KRT1: variants seen among roughly 807,000 people sequenced by gnomAD.
KRT1 encodes keratin, type II cytoskeletal 1.
In KRT1, 28 loss-of-function variants were observed where a neutral mutation model predicts 51.6. That is an observed-to-expected ratio of 0.54 (90% CI 0.40 to 0.74). KRT1 has a LOEUF of 0.74. Among genes scored for constraint, KRT1 ranks in the 30% least tolerant of loss-of-function variants. The pLI is 0.00. For missense variants in KRT1, 783 were observed against 815.5 expected, an observed-to-expected ratio of 0.96 and a Z score of 0.49; for synonymous variants, 301 against 307.7, an observed-to-expected ratio of 0.98 and a Z score of 0.23.
At chr12:52,676,786 C>T (rs1010684546) in intron 6 of KRT1, among the ~76,000 whole-genome samples, 2 of 152,226 alleles carry the variant, frequency 1.3e-5, no homozygotes, top group Admixed American at 6.5e-5. Context: ...CTTCCTCTCA[C>T]TCCCCAACTC....
Position 52,675,080 on chromosome 12 carries a change from A to C in KRT1, c.*113T>G. ...GGGAATAGGATGAGCTAGTGTAACT[A>C]ACCATAGCTCTTTTCTCCGGTAAGG... On this transcript the variant is annotated 3_prime_UTR_variant, in exon 9 of 9. Coordinates refer to ENST00000252244, the MANE Select transcript of KRT1 (RefSeq NM_006121.4). 2 of 1,329,376 alleles carry C rather than the reference A, an allele frequency of 1.5e-6. No homozygotes were observed. The highest frequency in any genetic ancestry group is 2.2e-6 in the Non-Finnish European group (2 of 922,268). 82.3% of individuals were successfully genotyped at this position (1,329,376 alleles called of 1,614,324 possible).
In KRT1 at chr12:52,677,169, T is replaced by G. The variant is rs759524757; in HGVS notation, c.1144A>C (p.Ile382Leu). ...LYQSKYEELQ[I>L]TAGRHGDSVR... is the part of the protein sequence containing the mutation. ...CTATCCCCATGTCTGCCAGCAGTGA[T>G]CTGCAGCTCTTCATACTAAAGATGG... is the stretch of plus-strand genomic sequence containing the variant. Residue 382 changes from isoleucine to leucine, a missense_variant, in exon 6 of 9, where the codon ATC becomes CTC. Ile to Leu is a conservative substitution (Grantham distance 5). Transcript: ENST00000252244. 1.2e-6 allele frequency: 2 copies of G among 1,614,242 alleles called. No individual in the cohort carries two copies. Among genetic ancestry groups the G allele is most frequent in the Non-Finnish European group, 1.7e-6 (2 of 1,180,048 alleles).
At chr12:52,679,522 A>G (rs1941555506) in intron 1 of KRT1, among the ~76,000 whole-genome samples, 2 of 152,184 alleles carry the variant, frequency 1.3e-5, no homozygotes, top group African/African-American at 4.8e-5. Context: ...AAGCACTTAA[A>G]TGTTAATGTC....
chr12:52,678,254 C>A, intron 2 of KRT1, 31 bp from the exon 3 acceptor site: 2 of 1,610,806 alleles, frequency 1.2e-6, no homozygotes, highest in South Asian at 1.1e-5. Context: ...TTAGGAGATT[C>A]AGAGGTGGTA....
At chr12:52,677,016 C>A (rs1306645363) in intron 6 of KRT1, 43 bp downstream of exon 6, 2 of 1,608,144 alleles carry the variant, frequency 1.2e-6, no homozygotes, top group Non-Finnish European at 8.5e-7. Flanking sequence ...TGAGGGTTAC[C>A]CCCATTCCAT....
chr12:52,677,826 CA>C (rs954343082), intron 3 of KRT1, 81 bp from the exon 4 acceptor site: 13 of 1,240,178 alleles, frequency 1.0e-5, no homozygotes, highest in African/African-American at 9.0e-5. Context: ...ATTCTCCAAG[CA>C]AAAAAAGGAG....
At position 52,676,386 on chromosome 12, in the gene KRT1, T is replaced by C. The variant is rs1941504042; in HGVS notation, c.1364A>G (p.Lys455Arg). ...NDLEDALQQA[K>R]EDLARLLRDY... ...GCGCAGCAGGCGGGCCAGGTCTTCC[T>C]TGGCCTGCTGCAGGGCATCCTCCAG... The change falls in exon 7 of 9, where the codon AAG becomes AGG. Residue 455 changes from lysine (K) to arginine (R), a missense_variant. Coordinates refer to ENST00000252244, the MANE Select transcript of KRT1 (RefSeq NM_006121.4). 4 of 1,614,046 alleles carry C rather than the reference T, an allele frequency of 2.5e-6. No homozygotes were observed. The highest frequency in any genetic ancestry group is 3.4e-6 in the Non-Finnish European group (4 of 1,180,002).
chr12:52,677,817 T>A, intron 3 of KRT1, 72 bp from the exon 4 acceptor site: 1 of 1,325,046 alleles, frequency 7.5e-7, no homozygotes, highest in Non-Finnish European at 1.1e-6. Flanking sequence ...TGTGAGGGGA[T>A]TCTCCAAGCA....
chr12:52,677,858 T>G, intron 3 of KRT1, 113 bp from the exon 4 acceptor site: 1 of 909,194 alleles, frequency 1.1e-6, no homozygotes, highest in Non-Finnish European at 1.8e-6. Flanking sequence ...ACTCCACTCC[T>G]TTTTGCCCCA....
Position 52,675,191 on chromosome 12 carries a change from CTT to C in KRT1, c.1935_*1del. 6.2e-7 allele frequency: 1 copy of C among 1,613,494 alleles called. No individual in the cohort carries two copies. The highest frequency in any genetic ancestry group is 8.5e-7 in the Non-Finnish European group (1 of 1,180,018). On this transcript the variant is annotated stop_retained_variant and 3_prime_UTR_variant, in exon 9 of 9. Transcript: ENST00000252244. ...AGAGCTAATGAAACAGAGGGCATCT[CTT>C]TATCTGGTTACTCCGGAATAAGTGG...
chr12:52,677,857 C>T lies in KRT1; in HGVS notation c.868-112G>A, dbSNP rs556541104. On this transcript the variant is annotated intron_variant, in intron 3 of 8. Transcript: ENST00000252244. ...AAGGAGCTTTGGGTCTACTCCACTC[C>T]TTTTTGCCCCAGGTAAATCACAGTT... 2.0e-5 allele frequency: 18 copies of T among 912,682 alleles called. 1 individual carries two copies. In the East Asian group the frequency reaches 4.2e-4, roughly 21 times the overall value. The allele number at this position is 912,682 out of a possible 1,614,324, so 56.5% of individuals were successfully genotyped here.
chr12:52,677,127 T>C lies in KRT1; in HGVS notation c.1186A>G (p.Ile396Val). ...RHGDSVRNSK[I>V]EISELNRVIQ... Reference sequence around the variant, plus strand: ...ACACGATTCAGCTCAGAAATTTCTATCTTTGAATTTCTCACACTATCCCCA... The same window carrying C: ...ACACGATTCAGCTCAGAAATTTCTACCTTTGAATTTCTCACACTATCCCCA... The change falls in exon 6 of 9, where the codon ATA becomes GTA. Residue 396 changes from isoleucine (I) to valine (V), a missense_variant. By Grantham distance (29) the Ile-to-Val change is conservative. Coordinates refer to ENST00000252244, the MANE Select transcript of KRT1 (RefSeq NM_006121.4). 6.2e-7 allele frequency: 1 copy of C among 1,614,128 alleles called. No homozygotes were observed. The highest frequency in any genetic ancestry group is 1.1e-5 in the South Asian group (1 of 91,078).
At chr12:52,677,240 C>T (rs1023560499) in intron 5 of KRT1, 56 bp from the exon 6 acceptor site, 1 of 1,614,062 alleles carries the variant, frequency 6.2e-7, no homozygotes, top group African/African-American at 1.3e-5. Context: ...ATGGCACAGG[C>T]ACACATACAT....
chr12:52,679,555 A>C (rs1941556175), intron 1 of KRT1, among the ~76,000 whole-genome samples: 1 of 152,256 alleles, frequency 6.6e-6, no homozygotes, highest in African/African-American at 2.4e-5. Flanking sequence ...CTTTAGGTCG[A>C]CCACGAACCC....
chr12:52,677,829 A>T (rs1941534345), intron 3 of KRT1, 84 bp from the exon 4 acceptor site: 19 of 1,224,818 alleles, frequency 1.6e-5, no homozygotes, highest in Non-Finnish European at 2.3e-5. Context: ...CTCCAAGCAA[A>T]AAAAGGAGCT....
chr12:52,676,169 A>T (rs3891206), intron 7 of KRT1, 106 bp downstream of exon 7: 1 of 962,036 alleles, frequency 1.0e-6, no homozygotes, highest in Non-Finnish European at 1.6e-6. Context: ...TCATTTCCCC[A>T]TACCCAGCAC....
chr12:52,676,571 C>T, intron 6 of KRT1, 76 bp from the exon 7 acceptor site: 1 of 1,411,080 alleles, frequency 7.1e-7, no homozygotes, highest in Non-Finnish European at 9.9e-7. Flanking sequence ...TCTCCCCACT[C>T]CAGTGAGGCC....
Position 52,675,142 on chromosome 12 carries a change from T to C in KRT1, c.*51A>G. The stretch of plus-strand genomic sequence containing the variant: ...CGACCTCGGTCTTGCCAAGCATATT[T>C]GTTAGTGATGCTGGGGGAGAACTAG... On this transcript the variant is annotated 3_prime_UTR_variant, in exon 9 of 9. Coordinates refer to ENST00000252244, the MANE Select transcript of KRT1 (RefSeq NM_006121.4). 1.2e-6 allele frequency: 2 copies of C among 1,608,136 alleles called. No homozygotes were observed. The highest frequency in any genetic ancestry group is 1.7e-6 in the Non-Finnish European group (2 of 1,176,050).
At position 52,676,922 on chromosome 12, in the gene KRT1, T is replaced by C; in HGVS notation, c.1254+137A>G. Reference sequence around the variant, plus strand: ...GATGGCTGCATTCTGGAAACTAGCATAGTCACAAAAGGAACCAGGGATAAT... The same window carrying C: ...GATGGCTGCATTCTGGAAACTAGCACAGTCACAAAAGGAACCAGGGATAAT... On this transcript the variant is annotated intron_variant, in intron 6 of 8. Coordinates refer to ENST00000252244, the MANE Select transcript of KRT1 (RefSeq NM_006121.4). 6 of 1,186,922 alleles carry C rather than the reference T, an allele frequency of 5.1e-6. No individual in the cohort carries two copies. In the South Asian group the frequency reaches 7.7e-5, roughly 15 times the overall value. The allele number at this position is 1,186,922 out of a possible 1,614,324, so 73.5% of individuals were successfully genotyped here.
Sources: gnomAD v4.1 joint callset for allele counts (sites outside exome capture counted in the v4.1 genomes callset) on GRCh38, gnomAD v4.1.1 for gene constraint, MANE v1.5 for transcripts, NCBI Gene and HGNC (gene_info 2026-07-23, HGNC 2026-07-21) for gene names.